The following IGF2BP3 variants were observed in gnomAD, a reference collection of about 807,000 sequenced individuals.
IGF2BP3 encodes insulin-like growth factor 2 mRNA-binding protein 3.
In IGF2BP3, 9 loss-of-function variants were observed where a neutral mutation model predicts 73.8. The observed-to-expected ratio is 0.12, with a 90% CI of 0.07 to 0.21. The LOEUF is 0.21. Ranked by LOEUF, IGF2BP3 falls within the 10% of genes least tolerant of loss-of-function variation. The pLI is 1.00. For missense variants in IGF2BP3, 542 were observed against 714.0 expected, an observed-to-expected ratio of 0.76 and a Z score of 2.75; for synonymous variants, 258 against 256.7, an observed-to-expected ratio of 1.01 and a Z score of -0.05.
At chr7:23,329,234 A>G (rs1347971915) in intron 10 of IGF2BP3, among the ~76,000 whole-genome samples, 1 of 152,074 alleles carries the variant, frequency 6.6e-6, no homozygotes, top group African/African-American at 2.4e-5. Context: ...AAATTAAAAC[A>G]AGGAATGGAT....
At chr7:23,335,905 C>A (rs908280412) in intron 10 of IGF2BP3, among the ~76,000 whole-genome samples, 1 of 152,188 alleles carries the variant, frequency 6.6e-6, no homozygotes, top group South Asian at 2.1e-4. Context: ...TCGAAGTTTG[C>A]CAGTTAAGTA....
intron 10 of IGF2BP3, among the ~76,000 whole-genome samples, chr7:23,321,971 G>GA (rs1385269562): frequency 2.6e-5 from 4 of 152,102 alleles, no homozygotes; most frequent in Non-Finnish European, 5.9e-5. Flanking sequence ...CAAAGACGGG[G>GA]AAAAAACAGA....
intron 2 of IGF2BP3, among the ~76,000 whole-genome samples, chr7:23,461,267 A>G (rs1033496735): frequency 1.3e-5 from 2 of 151,984 alleles, no homozygotes; most frequent in African/African-American, 4.8e-5. Flanking sequence ...TCTTTCCTTC[A>G]TCCTACAGCC....
intron 10 of IGF2BP3, among the ~76,000 whole-genome samples, chr7:23,340,722 A>T (rs1243051843): frequency 1.3e-5 from 2 of 152,188 alleles, no homozygotes; most frequent in Non-Finnish European, 2.9e-5. Context: ...TTTCAAAATA[A>T]TTTATTCCAT....
intron 3 of IGF2BP3, among the ~76,000 whole-genome samples, chr7:23,380,157 C>CTTTT (rs10571084): frequency 1.4e-4 from 10 of 71,780 alleles, no homozygotes; most frequent in Non-Finnish European, 2.5e-4. Flanking sequence ...CACTATGCCT[C>CTTTT]TTTTTTTTTT....
chr7:23,311,325 T>C lies in IGF2BP3; in HGVS notation c.*1037A>G, dbSNP rs1783821974. 6.6e-6 allele frequency: 1 copy of C among 152,620 alleles called. No individual in the cohort carries two copies. Among genetic ancestry groups the C allele is most frequent in the South Asian group, 2.1e-4 (1 of 4,830 alleles). The allele number at this position is 152,620 out of a possible 1,614,324, so 9.5% of individuals were successfully genotyped here. ...GCTTTTTGCCAGTCAGTTGAAAGTC[T>C]TGCATCTCTTCACTGATGCACTTTC... On this transcript the variant is annotated 3_prime_UTR_variant, in exon 15 of 15. Coordinates refer to ENST00000258729, the MANE Select transcript of IGF2BP3 (RefSeq NM_006547.3).
chr7:23,365,255 G>A (rs1785340753), intron 3 of IGF2BP3, among the ~76,000 whole-genome samples: 1 of 152,182 alleles, frequency 6.6e-6, no homozygotes, highest in Non-Finnish European at 1.5e-5. Flanking sequence ...GAGGGGTTCA[G>A]GGAGTAGGAA....
chr7:23,323,081 T>A (rs1276847484), intron 10 of IGF2BP3, among the ~76,000 whole-genome samples: 1 of 152,024 alleles, frequency 6.6e-6, no homozygotes, highest in Non-Finnish European at 1.5e-5. Flanking sequence ...ATATTAACTT[T>A]AAATGTAAAT....
At chr7:23,405,512 T>C (rs1786799056) in intron 3 of IGF2BP3, among the ~76,000 whole-genome samples, 1 of 152,200 alleles carries the variant, frequency 6.6e-6, no homozygotes, top group Non-Finnish European at 1.5e-5. Flanking sequence ...CCTTGTAGTT[T>C]AGGCTGGAGA....
chr7:23,368,607 A>T (rs1281333412), intron 3 of IGF2BP3, among the ~76,000 whole-genome samples: 2 of 152,022 alleles, frequency 1.3e-5, no homozygotes, highest in East Asian at 3.9e-4. Flanking sequence ...CGTATCTATT[A>T]ACATACTAGG....
chr7:23,397,655 C>T (rs1326848075), intron 3 of IGF2BP3, among the ~76,000 whole-genome samples: 1 of 152,184 alleles, frequency 6.6e-6, no homozygotes, highest in Non-Finnish European at 1.5e-5. Context: ...GCATAGAAAT[C>T]CCTCTAGGTA....
At chr7:23,350,771 A>G (rs1024737602) in intron 6 of IGF2BP3, among the ~76,000 whole-genome samples, 1 of 152,252 alleles carries the variant, frequency 6.6e-6, no homozygotes, top group African/African-American at 2.4e-5. Flanking sequence ...GAATATTCCA[A>G]TCCCTTAAAT....
chr7:23,434,091 T>TA (rs11362019), intron 2 of IGF2BP3, among the ~76,000 whole-genome samples: 42,239 of 129,402 alleles, frequency 0.33, 6,561 homozygotes, highest in Middle Eastern at 0.42. Context: ...AAATTAAAAT[T>TA]AAAAAAAAAA....
rs574251627 is a variant in IGF2BP3 at position 23,339,521 on chromosome 7, A to G, written c.1203+2543T>C. The stretch of plus-strand genomic sequence containing the variant: ...CAAGTTCACTCTAGGAATTTTGGCT[A>G]CTGAAGCATCCATGTAAGTGTAAAA... On this transcript the variant is annotated intron_variant, in intron 10 of 14. Coordinates refer to ENST00000258729, the MANE Select transcript of IGF2BP3 (RefSeq NM_006547.3). 3.9e-5 allele frequency among the ~76,000 whole-genome samples: 6 copies of G among 152,262 alleles called. No individual in the cohort carries two copies. The South Asian group carries it at 1.2e-3, about 32-fold the overall frequency.
At chr7:23,397,888 G>T (rs1786527495) in intron 3 of IGF2BP3, among the ~76,000 whole-genome samples, 2 of 152,180 alleles carry the variant, frequency 1.3e-5, no homozygotes, top group South Asian at 4.1e-4. Context: ...TCTTGAGGTG[G>T]AGATATTATA....
chr7:23,388,296 T>C (rs1433561402), intron 3 of IGF2BP3, among the ~76,000 whole-genome samples: 1 of 152,158 alleles, frequency 6.6e-6, no homozygotes, highest in Non-Finnish European at 1.5e-5. Context: ...TGTATTTACC[T>C]GAGAGAAATG....
chr7:23,423,955 T>C (rs1787425397), intron 2 of IGF2BP3, among the ~76,000 whole-genome samples: 1 of 151,652 alleles, frequency 6.6e-6, no homozygotes, highest in African/African-American at 2.4e-5. Context: ...TCGTCTCTAC[T>C]AAAAACATAA....
In IGF2BP3 at chr7:23,351,327, T is replaced by C; in HGVS notation, c.661A>G (p.Ile221Val). ...IGKEGATIRNITKQTQSKIDV... is the reference protein window; with the variant it reads ...IGKEGATIRNVTKQTQSKIDV... ...CACTTAGACTGGGTCTGTTTGGTGA[T>C]GTTCCGAATGGTGGCACCTTCTTTT... is the stretch of plus-strand genomic sequence containing the variant. The change falls in exon 6 of 15, where the codon ATC becomes GTC. Residue 221 changes from isoleucine (I) to valine (V), a missense_variant. Coordinates refer to ENST00000258729, the MANE Select transcript of IGF2BP3 (RefSeq NM_006547.3). The C allele has an allele frequency of 6.2e-7, 1 of 1,613,898 alleles. No individual in the cohort carries two copies. Among genetic ancestry groups the C allele is most frequent in the Middle Eastern group, 1.7e-4 (1 of 6,056 alleles).
At chr7:23,322,688 A>C (rs1345770405) in intron 10 of IGF2BP3, among the ~76,000 whole-genome samples, 1 of 152,142 alleles carries the variant, frequency 6.6e-6, no homozygotes, top group Non-Finnish European at 1.5e-5. Flanking sequence ...CGGGTTACCC[A>C]CAAAGGGAAG....
Sources: gnomAD v4.1 joint callset for allele counts (sites outside exome capture counted in the v4.1 genomes callset) on GRCh38, gnomAD v4.1.1 for gene constraint, MANE v1.5 for transcripts, NCBI Gene and HGNC (gene_info 2026-07-23, HGNC 2026-07-21) for gene names.